The following POLR1B variants were observed in gnomAD, a reference collection of about 807,000 sequenced individuals.
POLR1B encodes the protein RNA polymerase I subunit B.
In POLR1B, 30 loss-of-function variants were observed where a neutral mutation model predicts 105.8. The ratio of observed to expected loss-of-function variants is 0.28; its 90% confidence interval spans 0.21 to 0.38. The LOEUF is 0.38. Ranked by LOEUF, POLR1B falls within the 10% of genes least tolerant of loss-of-function variation. POLR1B has a pLI of 1.00. For missense variants in POLR1B, 976 were observed against 1,435.8 expected (o/e 0.68, Z 5.17); for synonymous variants, 485 against 505.1 (o/e 0.96, Z 0.53).
chr2:112,547,674 G>C (rs1448488003), intron 3 of POLR1B, 107 bp downstream of exon 3: 10 of 1,267,488 alleles, frequency 7.9e-6, no homozygotes, highest in Middle Eastern at 4.0e-4. Context: ...TTCTGGATAG[G>C]TGAAAGAGAT....
rs61116291 is a variant in POLR1B, at chr2:112,574,723, TAAA to T, written c.2526-104_2526-102del. ...GGCAACAGAGTGAGACCCTGTATCATAAAAAAAAAAAAAAAAAAAAAAGTTTTA... is the reference window on the plus strand; with the variant it reads ...GGCAACAGAGTGAGACCCTGTATCATAAAAAAAAAAAAAAAAAAAGTTTTA... On this transcript the variant is annotated intron_variant, in intron 14 of 14. Transcript: ENST00000263331. 189,625 of 580,742 alleles carry T rather than the reference TAAA, an allele frequency of 0.33. 7,788 individuals are homozygous for T. Among genetic ancestry groups the T allele is most frequent in the Non-Finnish European group, 0.34 (127,289 of 372,740 alleles). 36.0% of individuals were successfully genotyped at this position (580,742 alleles called of 1,614,324 possible).
chr2:112,568,102 T>C lies in POLR1B; in HGVS notation c.1882T>C (p.Leu628=), dbSNP rs34051897. ...GGTACGGCCTGTGCAGAACTTAGCA[T>C]TGGGCAAAGAAGAGCTAATTGGAAC... ...RLVRPVQNLA[L]GKEELIGTME... is the part of the protein sequence containing the mutation. Residue 628 remains leucine, a synonymous_variant, in exon 11 of 15, where the codon TTG becomes CTG. Transcript: ENST00000263331. 8.9e-3 allele frequency: 14,407 copies of C among 1,614,056 alleles called. 189 individuals carry two copies. Among genetic ancestry groups the C allele is most frequent in the African/African-American group, 0.056 (4,206 of 75,026 alleles).
At chr2:112,564,187 G>T in intron 9 of POLR1B, 179 bp from the exon 10 acceptor site, 1 of 686,882 alleles carries the variant, frequency 1.5e-6, no homozygotes, top group African/African-American at 1.8e-5. Context: ...AAATGGCATT[G>T]ATAAGCCTGC....
chr2:112,567,498 G>A (rs1347650520), intron 10 of POLR1B, among the ~76,000 whole-genome samples: 2 of 151,962 alleles, frequency 1.3e-5, no homozygotes, highest in Admixed American at 6.6e-5. Context: ...TCCCACCTCA[G>A]CCTCCCGATT....
intron 7 of POLR1B, among the ~76,000 whole-genome samples, chr2:112,554,001 T>C (rs907555387): frequency 6.6e-6 from 1 of 152,178 alleles, no homozygotes; most frequent in African/African-American, 2.4e-5. Context: ...AGAGTTAATA[T>C]ATTTTTAGTA....
At chr2:112,546,916 G>T in intron 1 of POLR1B, 96 bp from the exon 2 acceptor site, 1 of 1,320,358 alleles carries the variant, frequency 7.6e-7, no homozygotes, top group South Asian at 1.4e-5. Context: ...GGCATCACAG[G>T]CATCAATGTT....
chr2:112,545,103 G>A (rs540414877), intron 1 of POLR1B, among the ~76,000 whole-genome samples: 1 of 152,258 alleles, frequency 6.6e-6, no homozygotes, highest in Admixed American at 6.5e-5. Context: ...TTTTGTTGGT[G>A]ATTTTGCTGT....
rs1027073351 is a variant in POLR1B, at chr2:112,559,658, T to C, written c.1612+84T>C. 23 of 1,483,234 alleles carry C rather than the reference T, an allele frequency of 1.6e-5. No homozygotes were observed. The South Asian group carries it at 2.5e-4, about 16-fold the overall frequency. 91.9% of individuals were successfully genotyped at this position (1,483,234 alleles called of 1,614,324 possible). On this transcript the variant is annotated intron_variant, in intron 9 of 14. Coordinates refer to ENST00000263331, the MANE Select transcript of POLR1B (RefSeq NM_019014.6). ...TTTGTTTGTTTGTTTTGAGATGGAG[T>C]GTTGCTATGTCGCCCAGGCTGGAGT...
rs148462768 is a variant in POLR1B, at chr2:112,572,603, C to T, written c.2116C>T (p.Arg706Ter). The T allele has an allele frequency of 5.6e-6, 9 of 1,608,632 alleles. No homozygotes were observed. The highest frequency in any genetic ancestry group is 2.7e-5 in the African/African-American group (2 of 74,740). ...MGFPLLTYQD[R>*]SDNKLYRLQT... Reference sequence around the variant, plus strand: ...CTTTCCACTTCTCACTTATCAAGACCGATCGGATAACAAACTGTATCGTCT... The same window carrying T: ...CTTTCCACTTCTCACTTATCAAGACTGATCGGATAACAAACTGTATCGTCT... The change falls in exon 13 of 15, where the codon CGA (arginine) becomes TGA (stop). Residue 706 changes from arginine to a stop codon, truncating the protein, a stop_gained. Transcript: ENST00000263331. LOFTEE classifies it high-confidence loss of function.
At chr2:112,558,884 G>T (rs1352452451) in intron 8 of POLR1B, among the ~76,000 whole-genome samples, 11 of 149,884 alleles carry the variant, frequency 7.3e-5, no homozygotes, top group Admixed American at 7.3e-4. Flanking sequence ...CTCCCAAAGT[G>T]CTGGGATTAT....
At chr2:112,568,171 G>A (rs1684402897) in intron 11 of POLR1B, 34 bp downstream of exon 11, 1 of 1,587,882 alleles carries the variant, frequency 6.3e-7, no homozygotes, top group Non-Finnish European at 8.6e-7. Flanking sequence ...GAGTGTATGT[G>A]CTTGTTTGTA....
rs559875190 is a variant in POLR1B at position 112,547,155 on chromosome 2, G to A, written c.321G>A (p.Arg107=). The change falls in exon 2 of 15, where the codon AGG becomes AGA. Residue 107 remains arginine (R), a synonymous_variant. Coordinates refer to ENST00000263331, the MANE Select transcript of POLR1B (RefSeq NM_019014.6). ...ATCCAGCAGAATGCCGGGGCCGAAG[G>A]AGTACCTACCGTGGGAAGTTGACAG... ...NVYPAECRGR[R]STYRGKLTAD... The A allele has an allele frequency of 1.9e-6, 3 of 1,614,142 alleles. No individual in the cohort carries two copies. Among genetic ancestry groups the A allele is most frequent in the African/African-American group, 1.3e-5 (1 of 75,032 alleles).
At chr2:112,558,112 T>C (rs1683764748) in intron 8 of POLR1B, 31 bp downstream of exon 8, 4 of 1,308,736 alleles carry the variant, frequency 3.1e-6, no homozygotes, top group Non-Finnish European at 3.9e-6. Flanking sequence ...TTAGTTATGT[T>C]TTTCAAATTA....
chr2:112,544,194 G>T (rs963058696), intron 1 of POLR1B, among the ~76,000 whole-genome samples: 13 of 152,104 alleles, frequency 8.5e-5, no homozygotes, highest in African/African-American at 3.1e-4. Flanking sequence ...ACTTTGGGAG[G>T]TCAAGGCGGG....
rs530229841 is a variant in POLR1B at position 112,552,789 on chromosome 2, G to A, written c.1131G>A (p.Pro377=). The change falls in exon 7 of 15, where the codon CCG becomes CCA. Residue 377 remains proline (P), a synonymous_variant. Transcript: ENST00000263331. ...DSLVNQEVLT[P]GQLFLMFLKE... is the part of the protein sequence containing the mutation. ...TGGTGAACCAGGAAGTCCTCACACC[G>A]GGTCAGCTCTTCCTTATGTTCCTGA... 1.7e-5 allele frequency: 27 copies of A among 1,599,122 alleles called. No homozygotes were observed. The highest frequency in any genetic ancestry group is 1.1e-4 in the African/African-American group (8 of 74,054).
chr2:112,570,922 G>A (rs959642722), intron 12 of POLR1B, among the ~76,000 whole-genome samples: 9 of 151,926 alleles, frequency 5.9e-5, no homozygotes, highest in Non-Finnish European at 1.0e-4. Context: ...GAGATTACAG[G>A]CATGTGCCAC....
chr2:112,545,494 A>G (rs1001573794), intron 1 of POLR1B, among the ~76,000 whole-genome samples: 1 of 152,232 alleles, frequency 6.6e-6, no homozygotes, highest in Non-Finnish European at 1.5e-5. Context: ...CCCTAGGAGC[A>G]GTGGTTCAGT....
intron 3 of POLR1B, 80 bp from the exon 4 acceptor site, chr2:112,549,187 C>T: frequency 1.3e-6 from 2 of 1,494,376 alleles, no homozygotes; most frequent in East Asian, 4.5e-5. Context: ...TGTTGTACTA[C>T]CTTTGGCTAG....
rs1008112976 is a variant in POLR1B, at chr2:112,558,073, C to G, written c.1322C>G (p.Ser441Cys). 4.5e-6 allele frequency: 6 copies of G among 1,335,172 alleles called. No homozygotes were observed. Among genetic ancestry groups the G allele is most frequent in the Non-Finnish European group, 5.8e-6 (6 of 1,031,842 alleles). The allele number at this position is 1,335,172 out of a possible 1,614,324, so 82.7% of individuals were successfully genotyped here. ...CTTTTTGCTACTGGGAATCTGCGTT[C>G]TAAAACAGGTAAAATTAAATCGATC... ...EYLFATGNLRSKTGLGLLQDS... is the reference protein window; with the variant it reads ...EYLFATGNLRCKTGLGLLQDS... The change falls in exon 8 of 15, where the codon TCT (serine) becomes TGT (cysteine). Residue 441 changes from serine to cysteine, a missense_variant. Physicochemically the swap from Ser to Cys is moderately radical, Grantham distance 112. Coordinates refer to ENST00000263331, the MANE Select transcript of POLR1B (RefSeq NM_019014.6).
Sources: allele counts gnomAD v4.1 joint callset (sites outside exome capture counted in the v4.1 genomes callset), GRCh38; gene constraint gnomAD v4.1.1; transcripts MANE v1.5; gene names NCBI Gene and HGNC (gene_info 2026-07-23, HGNC 2026-07-21).